The following CLSTN2 variants were observed in gnomAD, a reference collection of about 807,000 sequenced individuals.
CLSTN2 encodes the protein calsyntenin 2.
A neutral mutation model predicts 101.2 loss-of-function variants in CLSTN2; 48 were observed. The observed-to-expected ratio is 0.47, with a 90% confidence interval of 0.38 to 0.60. The LOEUF (loss-of-function observed/expected upper bound fraction) is 0.60. Among genes scored for constraint, CLSTN2 ranks in the 20% least tolerant of loss-of-function variants. CLSTN2 has a pLI of 0.00. For synonymous variants in CLSTN2, 481 were observed against 463.6 expected, an observed-to-expected ratio of 1.04 and a Z score of -0.48; for missense variants, 1,160 against 1,238.2, an observed-to-expected ratio of 0.94 and a Z score of 0.95.
chr3:140,479,476 A>G (rs1043093293), intron 8 of CLSTN2, among the ~76,000 whole-genome samples: 3 of 152,230 alleles, frequency 2.0e-5, no homozygotes, highest in Non-Finnish European at 4.4e-5. Flanking sequence ...AAACAGGAAA[A>G]TGTGACCTAA....
Position 139,964,605 on chromosome 3 carries a change from G to A in CLSTN2, c.109+29122G>A, listed in dbSNP as rs1935563431. Among the ~76,000 whole-genome samples, 4 of 151,924 alleles carry A rather than the reference G, an allele frequency of 2.6e-5. No homozygotes were observed. In the South Asian group the frequency reaches 8.3e-4, roughly 32 times the overall value. On this transcript the variant is annotated intron_variant, in intron 1 of 16. Transcript: ENST00000458420. Reference sequence around the variant, plus strand: ...CCAAGCTGCCCTGGAGGATCTCAGGGGAGGGCTGTGGAGCTGGACTGAAGA... The same window carrying A: ...CCAAGCTGCCCTGGAGGATCTCAGGAGAGGGCTGTGGAGCTGGACTGAAGA...
intron 1 of CLSTN2, among the ~76,000 whole-genome samples, chr3:140,122,013 G>A (rs2009349073): frequency 6.6e-6 from 1 of 152,164 alleles, no homozygotes; most frequent in Non-Finnish European, 1.5e-5. Flanking sequence ...GCTTTAGGGG[G>A]AGTGAAAAAG....
intron 1 of CLSTN2, among the ~76,000 whole-genome samples, chr3:139,990,919 G>A (rs992823848): frequency 3.3e-5 from 5 of 152,082 alleles, no homozygotes; most frequent in Non-Finnish European, 7.4e-5. Context: ...TTTTAATATT[G>A]TCTTAAAGAA....
chr3:140,234,297 C>CCGCAGCTGCTGCTGT lies in CLSTN2; in HGVS notation c.232+58226_232+58240dup, dbSNP rs1286628568. On this transcript the variant is annotated intron_variant, in intron 2 of 16. Transcript: ENST00000458420. The stretch of plus-strand genomic sequence containing the variant: ...CTGCTTGCAAGTGATGCTGCTGCTG[C>CCGCAGCTGCTGCTGT]CGCAGCTGCTGCTGTCTAGACGACA... 3.9e-5 allele frequency among the ~76,000 whole-genome samples: 6 copies of CCGCAGCTGCTGCTGT among 152,342 alleles called. No individual in the cohort carries two copies. In the East Asian group the frequency reaches 9.6e-4, roughly 24 times the overall value.
At chr3:139,991,791 A>C (rs1013553854) in intron 1 of CLSTN2, among the ~76,000 whole-genome samples, 1 of 152,230 alleles carries the variant, frequency 6.6e-6, no homozygotes, top group African/African-American at 2.4e-5. Context: ...TCTAAGTGTG[A>C]ACTTCTGGCA....
chr3:140,550,194 G>A (rs1455401151), intron 10 of CLSTN2, among the ~76,000 whole-genome samples: 2 of 151,702 alleles, frequency 1.3e-5, no homozygotes, highest in African/African-American at 2.4e-5. Flanking sequence ...ACCATGTTTA[G>A]GTGTTTACGT....
chr3:140,037,801 G>T (rs748310926), intron 1 of CLSTN2, among the ~76,000 whole-genome samples: 3 of 152,014 alleles, frequency 2.0e-5, no homozygotes, highest in Non-Finnish European at 4.4e-5. Flanking sequence ...GTGGTGTTTG[G>T]TTTTTTGTTC....
At chr3:140,516,747 C>G (rs1275953460) in intron 8 of CLSTN2, among the ~76,000 whole-genome samples, 1 of 152,140 alleles carries the variant, frequency 6.6e-6, no homozygotes, top group Non-Finnish European at 1.5e-5. Context: ...ATGCTTTTGC[C>G]TCGCAGCTCT....
intron 4 of CLSTN2, among the ~76,000 whole-genome samples, chr3:140,416,675 C>G (rs115156872): frequency 6.6e-6 from 1 of 152,110 alleles, no homozygotes; most frequent in Admixed American, 6.6e-5. Context: ...AATATTGTAC[C>G]GGTGCAGTGT....
intron 2 of CLSTN2, among the ~76,000 whole-genome samples, chr3:140,242,197 C>A (rs181575815): frequency 1.4e-4 from 21 of 152,208 alleles, no homozygotes; most frequent in Admixed American, 1.4e-3. Flanking sequence ...TAGGTGTGAG[C>A]CACTGCACCC....
chr3:139,976,957 C>T (rs996646129), intron 1 of CLSTN2, among the ~76,000 whole-genome samples: 33 of 152,126 alleles, frequency 2.2e-4, no homozygotes, highest in African/African-American at 7.5e-4. Flanking sequence ...AGCACCCGCC[C>T]GCTCCATCTG....
intron 5 of CLSTN2, among the ~76,000 whole-genome samples, chr3:140,422,589 A>C (rs1012193825): frequency 6.6e-5 from 10 of 152,218 alleles, no homozygotes; most frequent in Admixed American, 5.9e-4. Context: ...GAAAAGATGA[A>C]ATGCTCAGTA....
chr3:140,163,853 T>C (rs2010090440), intron 1 of CLSTN2, among the ~76,000 whole-genome samples: 1 of 150,890 alleles, frequency 6.6e-6, no homozygotes, highest in Non-Finnish European at 1.5e-5. Flanking sequence ...CCCTCAGGAG[T>C]GGTGGCTTCT....
intron 8 of CLSTN2, among the ~76,000 whole-genome samples, chr3:140,473,360 C>T (rs976469577): frequency 1.3e-5 from 2 of 152,134 alleles, no homozygotes. Flanking sequence ...CCTCTGAACC[C>T]CAGAAAGCTG....
chr3:140,401,591 A>G (rs779143735), intron 2 of CLSTN2, among the ~76,000 whole-genome samples: 6 of 152,152 alleles, frequency 3.9e-5, no homozygotes, highest in Non-Finnish European at 5.9e-5. Flanking sequence ...TTGTGATCAG[A>G]TCTTTCCAAG....
chr3:140,104,869 C>T (rs1190725474), intron 1 of CLSTN2, among the ~76,000 whole-genome samples: 5 of 152,172 alleles, frequency 3.3e-5, no homozygotes, highest in Non-Finnish European at 7.4e-5. Context: ...TCCCAGCTAT[C>T]CTGGAGGCTG....
rs747382201 is a variant in CLSTN2, at chr3:140,241,876, T to TACACACACACAC, written c.232+65804_232+65805insCACACACACACA. ...ATATACACATATATATACACATATA[T>TACACACACACAC]ATATACACACACACACACACACACA... On this transcript the variant is annotated intron_variant, in intron 2 of 16. Coordinates refer to ENST00000458420, the MANE Select transcript of CLSTN2 (RefSeq NM_022131.3). 4.4e-3 allele frequency among the ~76,000 whole-genome samples: 613 copies of TACACACACACAC among 140,024 alleles called. 6 individuals carry two copies. Among genetic ancestry groups the TACACACACACAC allele is most frequent in the African/African-American group, 0.014 (500 of 35,558 alleles). 91.9% of individuals were successfully genotyped at this position (140,024 alleles called of 152,430 possible). A position where few individuals can be genotyped will look rare whatever the true frequency, so the allele number is the denominator to read the frequency against.
chr3:140,135,117 CATATATATATATATATATATAT>C (rs66931848), intron 1 of CLSTN2, among the ~76,000 whole-genome samples: 5 of 58,120 alleles, frequency 8.6e-5, no homozygotes, highest in East Asian at 4.5e-4. Flanking sequence ...CACACACACA[CATATATATATATATATATATAT>C]ATATATATAT....
At chr3:140,162,902 C>G (rs2107820880) in intron 1 of CLSTN2, among the ~76,000 whole-genome samples, 1 of 152,286 alleles carries the variant, frequency 6.6e-6, no homozygotes, top group Non-Finnish European at 1.5e-5. Flanking sequence ...TTGCTACCTT[C>G]TAGAACAAAG....
Sources: allele counts gnomAD v4.1 joint callset (sites outside exome capture counted in the v4.1 genomes callset), GRCh38; gene constraint gnomAD v4.1.1; transcripts MANE v1.5; gene names NCBI Gene and HGNC (gene_info 2026-07-23, HGNC 2026-07-21).